GLRA1: variants seen among roughly 807,000 people sequenced by gnomAD.
The protein encoded by GLRA1 is glycine receptor subunit alpha-1.
In GLRA1, 37 loss-of-function variants were observed where a neutral mutation model predicts 48.3. The observed-to-expected ratio is 0.77, with a 90% CI of 0.59 to 1.01. The LOEUF is 1.01. Among genes scored for constraint, GLRA1 ranks in the 50% least tolerant of loss-of-function variants. The pLI is 0.00. For synonymous variants in GLRA1, 196 were observed against 210.7 expected, an observed-to-expected ratio of 0.93 and a Z score of 0.60; for missense variants, 427 against 571.0, an observed-to-expected ratio of 0.75 and a Z score of 2.57.
chr5:151,842,266 GCAAGTATTACCCTGATAACAACAC>G (rs1763729895), intron 7 of GLRA1, among the ~76,000 whole-genome samples: 1 of 151,420 alleles, frequency 6.6e-6, no homozygotes, highest in Non-Finnish European at 1.5e-5. Flanking sequence ...TTTCTAAGAA[GCAAGTATTACCCTGATAACAACAC>G]CAAAGACATC....
intron 3 of GLRA1, among the ~76,000 whole-genome samples, chr5:151,879,246 G>T (rs1172024342): frequency 1.3e-5 from 2 of 151,738 alleles, no homozygotes; most frequent in East Asian, 3.9e-4. Context: ...TAGCCCCTTT[G>T]TTTTGGCCAA....
Position 151,849,260 on chromosome 5 carries a change from T to TCTCTCTC in GLRA1, c.912+2129_912+2130insGAGAGAG, listed in dbSNP as rs1351544467. Among the ~76,000 whole-genome samples, 24 of 79,642 alleles carry TCTCTCTC rather than the reference T, an allele frequency of 3.0e-4. 1 individual carries two copies. Among genetic ancestry groups the TCTCTCTC allele is most frequent in the Non-Finnish European group, 2.7e-5 (1 of 36,956 alleles). 52.2% of individuals were successfully genotyped at this position (79,642 alleles called of 152,430 possible). A position where few individuals can be genotyped will look rare whatever the true frequency, so the allele number is the denominator to read the frequency against. On this transcript the variant is annotated intron_variant, in intron 7 of 8. Coordinates refer to ENST00000274576, the MANE Select transcript of GLRA1 (RefSeq NM_000171.4). The stretch of plus-strand genomic sequence containing the variant: ...TTCCTTCCTTCCTTCCCTTCTTTCT[T>TCTCTCTC]TCTCTCTCTCTCTCTTCCTTTCTTT...
intron 3 of GLRA1, among the ~76,000 whole-genome samples, chr5:151,871,907 C>T (rs1435881744): frequency 6.7e-6 from 1 of 149,480 alleles, no homozygotes; most frequent in Non-Finnish European, 1.5e-5. Context: ...TTCTAAAGTT[C>T]ACATGGAAGA....
intron 7 of GLRA1, chr5:151,850,092 A>G (rs1752861085): frequency 1.2e-6 from 2 of 1,603,366 alleles, no homozygotes; most frequent in South Asian, 2.2e-5. Flanking sequence ...ATATACCCTC[A>G]TGGGGACAGA....
chr5:151,872,391 A>G (rs1753508421), intron 3 of GLRA1, among the ~76,000 whole-genome samples: 1 of 149,874 alleles, frequency 6.7e-6, no homozygotes, highest in Non-Finnish European at 1.5e-5. Flanking sequence ...GGTGAAAATA[A>G]AAAAGCTTGA....
At chr5:151,842,505 C>G (rs946205850) in intron 7 of GLRA1, among the ~76,000 whole-genome samples, 2 of 152,178 alleles carry the variant, frequency 1.3e-5, no homozygotes, top group Non-Finnish European at 2.9e-5. Context: ...AAAAATATCA[C>G]ATGATCCTCT....
At chr5:151,895,920 C>T (rs74430043) in intron 1 of GLRA1, among the ~76,000 whole-genome samples, 1,536 of 152,220 alleles carry the variant, frequency 0.01, 26 homozygotes, top group African/African-American at 0.031. Flanking sequence ...GTGGCAGTTA[C>T]GAAGCTTTCA....
intron 3 of GLRA1, among the ~76,000 whole-genome samples, chr5:151,865,004 A>C (rs559652599): frequency 3.3e-5 from 5 of 152,328 alleles, no homozygotes; most frequent in Admixed American, 3.3e-4. Flanking sequence ...CTGGAATTAG[A>C]ACTTGGCTCT....
At chr5:151,831,671 T>G (rs1030350677) in intron 7 of GLRA1, among the ~76,000 whole-genome samples, 10 of 152,170 alleles carry the variant, frequency 6.6e-5, no homozygotes, top group African/African-American at 2.4e-4. Flanking sequence ...TAGATAAAAC[T>G]ACCAACTCTC....
intron 1 of GLRA1, among the ~76,000 whole-genome samples, chr5:151,923,290 C>T (rs552849087): frequency 6.6e-6 from 1 of 152,162 alleles, no homozygotes; most frequent in Non-Finnish European, 1.5e-5. Context: ...ATAAACCAGC[C>T]AACAGATTAG....
chr5:151,915,843 GT>G (rs1191265894), intron 1 of GLRA1, among the ~76,000 whole-genome samples: 1 of 152,094 alleles, frequency 6.6e-6, no homozygotes, highest in Non-Finnish European at 1.5e-5. Flanking sequence ...AAGAGGTAAT[GT>G]ATGCAGACAT....
chr5:151,839,920 C>T, intron 7 of GLRA1, among the ~76,000 whole-genome samples: 1 of 152,074 alleles, frequency 6.6e-6, no homozygotes, highest in East Asian at 1.9e-4. Flanking sequence ...TGTGGCATTT[C>T]TTTTAGCAGT....
chr5:151,843,294 T>G (rs1024583943), intron 7 of GLRA1, among the ~76,000 whole-genome samples: 3 of 139,338 alleles, frequency 2.2e-5, no homozygotes, highest in African/African-American at 8.0e-5. Flanking sequence ...GGAGTCTCAC[T>G]CTCTCTCCCA....
intron 3 of GLRA1, among the ~76,000 whole-genome samples, chr5:151,873,496 C>T (rs1581634793): frequency 6.6e-6 from 1 of 151,572 alleles, no homozygotes; most frequent in South Asian, 2.1e-4. Context: ...CCCATCTCTA[C>T]TAAAAATACA....
At chr5:151,859,362 A>C (rs947444402) in intron 4 of GLRA1, among the ~76,000 whole-genome samples, 1 of 152,174 alleles carries the variant, frequency 6.6e-6, no homozygotes, top group Non-Finnish European at 1.5e-5. Flanking sequence ...TATAGAAGGG[A>C]GTATCCCTGG....
chr5:151,826,363 G>A (rs1581595235), intron 8 of GLRA1, among the ~76,000 whole-genome samples: 2 of 152,182 alleles, frequency 1.3e-5, no homozygotes, highest in African/African-American at 4.8e-5. Context: ...TTTGACCTTC[G>A]CCATGGGATG....
chr5:151,911,098 C>T (rs1213756708), intron 1 of GLRA1, among the ~76,000 whole-genome samples: 1 of 152,198 alleles, frequency 6.6e-6, no homozygotes, highest in Non-Finnish European at 1.5e-5. Flanking sequence ...GCCAACATAA[C>T]AGGGTGGATG....
At chr5:151,872,485 T>C (rs1362753125) in intron 3 of GLRA1, among the ~76,000 whole-genome samples, 2 of 149,824 alleles carry the variant, frequency 1.3e-5, no homozygotes, top group Non-Finnish European at 2.9e-5. Flanking sequence ...GGGAAGGGAA[T>C]TGGGCAAAAT....
At position 151,858,813 on chromosome 5, in the gene GLRA1, G is replaced by A. The variant is rs181553696; in HGVS notation, c.476+972C>T. On this transcript the variant is annotated intron_variant, in intron 4 of 8. Coordinates refer to ENST00000274576, the MANE Select transcript of GLRA1 (RefSeq NM_000171.4). ...TTTCCCTGAAGGACTGGAGCAGGAGGAGAAGACATTTAGGACCAGCGCCCT... is the reference window on the plus strand; with the variant it reads ...TTTCCCTGAAGGACTGGAGCAGGAGAAGAAGACATTTAGGACCAGCGCCCT... 2.2e-3 allele frequency among the ~76,000 whole-genome samples: 337 copies of A among 152,320 alleles called. 2 individuals carry two copies. Among genetic ancestry groups the A allele is most frequent in the African/African-American group, 7.9e-3 (329 of 41,570 alleles).
Sources: allele counts gnomAD v4.1 joint callset (sites outside exome capture counted in the v4.1 genomes callset), GRCh38; gene constraint gnomAD v4.1.1; transcripts MANE v1.5; gene names NCBI Gene and HGNC (gene_info 2026-07-23, HGNC 2026-07-21).